The following ADAMTSL1 variants were observed in gnomAD, a reference collection of about 807,000 sequenced individuals.
The protein encoded by ADAMTSL1 is ADAMTS like 1.
A neutral mutation model predicts 201.8 loss-of-function variants in ADAMTSL1; 126 were observed. That is an observed-to-expected ratio of 0.62 (90% CI 0.54 to 0.72). The LOEUF is 0.72. Ranked by LOEUF, ADAMTSL1 falls within the 30% of genes least tolerant of loss-of-function variation. ADAMTSL1 has a pLI of 0.00. For missense variants in ADAMTSL1, 2,679 were observed against 2,277.8 expected (o/e 1.18, Z -3.59); for synonymous variants, 1,121 against 903.4 (o/e 1.24, Z -4.32).
chr9:18,249,433 A>C (rs1831382247), intron 2 of ADAMTSL1, among the ~76,000 whole-genome samples: 1 of 152,200 alleles, frequency 6.6e-6, no homozygotes. Flanking sequence ...GGGACATTAC[A>C]TATAGAGACA....
chr9:18,708,258 A>C (rs1184136180), intron 14 of ADAMTSL1, among the ~76,000 whole-genome samples: 1 of 152,258 alleles, frequency 6.6e-6, no homozygotes, highest in Non-Finnish European at 1.5e-5. Context: ...GAATAGTGGA[A>C]CAAGTACTAG....
Position 18,392,349 on chromosome 9 carries a change from T to TA in ADAMTSL1, c.208-112473dup, listed in dbSNP as rs1044292189. On this transcript the variant is annotated intron_variant, in intron 2 of 29. Transcript: ENST00000680146. ...ACTCACTAGCCTAGCTTCATGGGGATAAAAAAAGGAACAGTGCGGTAGGTT... is the reference window on the plus strand; with the variant it reads ...ACTCACTAGCCTAGCTTCATGGGGATAAAAAAAAGGAACAGTGCGGTAGGTT... Among the ~76,000 whole-genome samples, 18 of 152,090 alleles carry TA rather than the reference T, an allele frequency of 1.2e-4. No individual in the cohort carries two copies. The East Asian group carries it at 1.3e-3, about 11-fold the overall frequency.
chr9:18,686,450 T>G (rs7020435), intron 13 of ADAMTSL1, among the ~76,000 whole-genome samples: 1 of 152,084 alleles, frequency 6.6e-6, no homozygotes, highest in Non-Finnish European at 1.5e-5. Flanking sequence ...TTGACAGGCC[T>G]TTTTGTTGCT....
chr9:18,789,780 A>G (rs894707797), intron 19 of ADAMTSL1, among the ~76,000 whole-genome samples: 19 of 152,144 alleles, frequency 1.2e-4, no homozygotes, highest in African/African-American at 3.1e-4. Flanking sequence ...TTTAGCCCCA[A>G]GCTAATGACA....
intron 15 of ADAMTSL1, among the ~76,000 whole-genome samples, chr9:18,738,289 T>C (rs771912929): frequency 1.3e-5 from 2 of 152,176 alleles, no homozygotes; most frequent in Non-Finnish European, 2.9e-5. Context: ...TTGAGTATGA[T>C]AATGCAGTTA....
chr9:18,358,900 A>G (rs1836375034), intron 2 of ADAMTSL1, among the ~76,000 whole-genome samples: 1 of 152,164 alleles, frequency 6.6e-6, no homozygotes, highest in Non-Finnish European at 1.5e-5. Context: ...TTGCTTCCCA[A>G]TATCACATGC....
chr9:18,332,178 C>T (rs1835055628), intron 2 of ADAMTSL1, among the ~76,000 whole-genome samples: 1 of 152,164 alleles, frequency 6.6e-6, no homozygotes, highest in Admixed American at 6.5e-5. Flanking sequence ...GCACACTCCT[C>T]ACTGTACTTT....
intron 13 of ADAMTSL1, chr9:18,685,093 G>A: frequency 1.5e-6 from 1 of 660,586 alleles, no homozygotes; most frequent in Non-Finnish European, 2.0e-6. Flanking sequence ...AAGGTGAGAA[G>A]GCCCAGGCTG....
intron 26 of ADAMTSL1, among the ~76,000 whole-genome samples, chr9:18,900,025 T>A (rs1439537348): frequency 6.6e-6 from 1 of 151,900 alleles, no homozygotes; most frequent in African/African-American, 2.4e-5. Flanking sequence ...AGGAGAAAAA[T>A]TTTGCAATCT....
chr9:18,858,965 C>G (rs997864464), intron 23 of ADAMTSL1, among the ~76,000 whole-genome samples: 2 of 152,078 alleles, frequency 1.3e-5, no homozygotes, highest in African/African-American at 4.8e-5. Context: ...ACTACTTGCT[C>G]TACATCAAAA....
At chr9:18,905,952 G>A (rs1830285683) in intron 27 of ADAMTSL1, 61 bp downstream of exon 27, 4 of 1,405,634 alleles carry the variant, frequency 2.8e-6, no homozygotes, top group Non-Finnish European at 3.0e-6. Context: ...GAAAGATGGT[G>A]CTGAGTGAAT....
intron 2 of ADAMTSL1, among the ~76,000 whole-genome samples, chr9:18,212,942 G>A (rs903494809): frequency 6.6e-6 from 1 of 152,158 alleles, no homozygotes. Flanking sequence ...AATAGAATTT[G>A]CAGTTCATTG....
At chr9:18,290,969 G>A (rs560354423) in intron 2 of ADAMTSL1, among the ~76,000 whole-genome samples, 2 of 152,050 alleles carry the variant, frequency 1.3e-5, no homozygotes, top group Non-Finnish European at 2.9e-5. Context: ...ATTTAGTAGA[G>A]TCGGGGTTTC....
chr9:18,758,266 G>A (rs1176967745), intron 16 of ADAMTSL1, among the ~76,000 whole-genome samples: 1 of 152,158 alleles, frequency 6.6e-6, no homozygotes, highest in Admixed American at 6.5e-5. Flanking sequence ...CTGTTAAACT[G>A]TGAAGACATC....
chr9:18,200,210 G>A (rs1248365742), intron 2 of ADAMTSL1, among the ~76,000 whole-genome samples: 1 of 151,918 alleles, frequency 6.6e-6, no homozygotes, highest in African/African-American at 2.4e-5. Flanking sequence ...GAAGCTGGAA[G>A]ATCACTTGAG....
chr9:18,270,966 G>A (rs960362419), intron 2 of ADAMTSL1, among the ~76,000 whole-genome samples: 1 of 152,148 alleles, frequency 6.6e-6, no homozygotes, highest in Non-Finnish European at 1.5e-5. Flanking sequence ...CAAGATGGAA[G>A]GGGCCTGAGT....
At chr9:18,720,635 T>C (rs1178029229) in intron 14 of ADAMTSL1, among the ~76,000 whole-genome samples, 1 of 152,054 alleles carries the variant, frequency 6.6e-6, no homozygotes, top group Non-Finnish European at 1.5e-5. Flanking sequence ...ATACAAAAAT[T>C]AGCCGGCCAT....
intron 2 of ADAMTSL1, among the ~76,000 whole-genome samples, chr9:18,397,210 G>A (rs1817789022): frequency 6.6e-6 from 1 of 152,022 alleles, no homozygotes; most frequent in South Asian, 2.1e-4. Context: ...TTTTCTAATA[G>A]TCTATGGAGT....
At chr9:18,157,322 T>C (rs900358699) in intron 1 of ADAMTSL1, among the ~76,000 whole-genome samples, 10 of 152,042 alleles carry the variant, frequency 6.6e-5, no homozygotes, top group Admixed American at 3.3e-4. Context: ...TTTTAAATTT[T>C]GTTTTCTTTT....
Sources: allele counts gnomAD v4.1 joint callset (sites outside exome capture counted in the v4.1 genomes callset), GRCh38; gene constraint gnomAD v4.1.1; transcripts MANE v1.5; gene names NCBI Gene and HGNC (gene_info 2026-07-23, HGNC 2026-07-21).